Variants in RETREG1 observed in about 807,000 individuals in gnomAD.
RETREG1 encodes the protein reticulophagy regulator 1, also known as family with sequence similarity 134 member B.
A neutral mutation model predicts 54.8 loss-of-function variants in RETREG1; 44 were observed. The ratio of observed to expected loss-of-function variants is 0.80; its 90% CI spans 0.63 to 1.03. The LOEUF is 1.03. Among genes scored for constraint, RETREG1 ranks in the 50% least tolerant of loss-of-function variants. The pLI is 0.00. For missense variants in RETREG1, 554 were observed against 605.1 expected, an observed-to-expected ratio of 0.92 and a Z score of 0.89; for synonymous variants, 217 against 238.5, an observed-to-expected ratio of 0.91 and a Z score of 0.83.
chr5:16,480,467 G>A (rs1312601718), intron 5 of RETREG1, among the ~76,000 whole-genome samples: 1 of 151,972 alleles, frequency 6.6e-6, no homozygotes, highest in Non-Finnish European at 1.5e-5. Context: ...TTTCTTTTGG[G>A]TAAGTACCTA....
intron 1 of RETREG1, among the ~76,000 whole-genome samples, chr5:16,574,816 G>A (rs1330057950): frequency 6.6e-6 from 1 of 152,186 alleles, no homozygotes; most frequent in Non-Finnish European, 1.5e-5. Flanking sequence ...GGTGAATTAG[G>A]AGCATAGAAA....
At chr5:16,512,582 GT>G (rs1398628308) in intron 3 of RETREG1, among the ~76,000 whole-genome samples, 2,292 of 147,256 alleles carry the variant, frequency 0.016, 54 homozygotes, top group African/African-American at 0.053. Context: ...ATCAGTCCGA[GT>G]TTTTTTTTTT....
intron 3 of RETREG1, among the ~76,000 whole-genome samples, chr5:16,493,082 G>T (rs1739315592): frequency 6.6e-6 from 1 of 151,834 alleles, no homozygotes; most frequent in African/African-American, 2.4e-5. Context: ...TTCTATTTGG[G>T]GCTCTCCCTT....
intron 3 of RETREG1, among the ~76,000 whole-genome samples, chr5:16,542,992 G>C (rs1340657668): frequency 1.3e-5 from 2 of 152,102 alleles, no homozygotes; most frequent in Non-Finnish European, 2.9e-5. Flanking sequence ...ATGCTTCCCT[G>C]CACCATTCCT....
At chr5:16,510,048 T>C (rs895287934) in intron 3 of RETREG1, among the ~76,000 whole-genome samples, 3 of 151,946 alleles carry the variant, frequency 2.0e-5, no homozygotes, top group Non-Finnish European at 4.4e-5. Context: ...AAAATCTGTG[T>C]ATTCTGTTGT....
chr5:16,517,585 C>G (rs572915222), intron 3 of RETREG1, among the ~76,000 whole-genome samples: 1 of 152,264 alleles, frequency 6.6e-6, no homozygotes, highest in South Asian at 2.1e-4. Context: ...CAAGTCCCAT[C>G]AACCCTAACA....
rs1174264465 is a variant in RETREG1 at position 16,502,671 on chromosome 5, T to G, written c.459-19199A>C. On this transcript the variant is annotated intron_variant, in intron 3 of 8. Coordinates refer to ENST00000306320, the MANE Select transcript of RETREG1 (RefSeq NM_001034850.3). Reference sequence around the variant, plus strand: ...CGAGGCATTAAGATTACAGTTGATCTGTTCGCCATTATATTTTTCCCCCAT... The same window carrying G: ...CGAGGCATTAAGATTACAGTTGATCGGTTCGCCATTATATTTTTCCCCCAT... 1.2e-4 allele frequency among the ~76,000 whole-genome samples: 16 copies of G among 132,098 alleles called. No homozygotes were observed. The Admixed American group carries it at 1.3e-3, about 11-fold the overall frequency. 86.7% of individuals were successfully genotyped at this position (132,098 alleles called of 152,430 possible).
chr5:16,581,883 T>A (rs1167991843), intron 1 of RETREG1, among the ~76,000 whole-genome samples: 1 of 152,244 alleles, frequency 6.6e-6, no homozygotes, highest in Non-Finnish European at 1.5e-5. Context: ...GTGCAGGATG[T>A]GCAGGTTTGT....
chr5:16,508,571 CAAT>C (rs1272675379), intron 3 of RETREG1: 1 of 1,613,720 alleles, frequency 6.2e-7, no homozygotes, highest in Admixed American at 1.7e-5. Context: ...GTATATATCA[CAAT>C]TACCTTTTGC....
At chr5:16,514,064 G>T (rs1315757535) in intron 3 of RETREG1, among the ~76,000 whole-genome samples, 1 of 152,026 alleles carries the variant, frequency 6.6e-6, no homozygotes, top group African/African-American at 2.4e-5. Flanking sequence ...AATTAAATTT[G>T]GTCAAAACAC....
intron 3 of RETREG1, among the ~76,000 whole-genome samples, chr5:16,532,209 T>C (rs1164843873): frequency 2.0e-5 from 3 of 152,170 alleles, no homozygotes; most frequent in African/African-American, 7.2e-5. Flanking sequence ...GAAGTCTCAT[T>C]GTAACTCAGC....
At chr5:16,518,415 A>G (rs979917809) in intron 3 of RETREG1, among the ~76,000 whole-genome samples, 3 of 151,646 alleles carry the variant, frequency 2.0e-5, no homozygotes, top group Admixed American at 6.6e-5. Flanking sequence ...AAAAAGAGAA[A>G]GAAAAAGTGT....
intron 3 of RETREG1, among the ~76,000 whole-genome samples, chr5:16,508,199 A>T (rs1266267271): frequency 6.6e-6 from 1 of 152,268 alleles, no homozygotes; most frequent in Non-Finnish European, 1.5e-5. Flanking sequence ...CAAATCTTTA[A>T]AATGCAATAG....
intron 3 of RETREG1, among the ~76,000 whole-genome samples, chr5:16,498,593 T>G (rs1170427909): frequency 6.6e-6 from 1 of 152,082 alleles, no homozygotes; most frequent in Admixed American, 6.5e-5. Flanking sequence ...ATGCCTGTAG[T>G]TGCAGCTACT....
In RETREG1 at chr5:16,525,353, G is replaced by T. The variant is rs115102029; in HGVS notation, c.458+40410C>A. On this transcript the variant is annotated intron_variant, in intron 3 of 8. Transcript: ENST00000306320. Reference sequence around the variant, plus strand: ...TGCGCGGGTAACACTGTGCTGATCTGCGTCCTTCGAGATGCTCAAGCCCCT... The same window carrying T: ...TGCGCGGGTAACACTGTGCTGATCTTCGTCCTTCGAGATGCTCAAGCCCCT... 5.8e-3 allele frequency among the ~76,000 whole-genome samples: 888 copies of T among 152,164 alleles called. 7 individuals are homozygous for T. Among genetic ancestry groups the T allele is most frequent in the African/African-American group, 0.02 (826 of 41,516 alleles).
rs1742829736 is a variant in RETREG1 at position 16,593,534 on chromosome 5, A to C, written c.321-21432T>G. On this transcript the variant is annotated intron_variant, in intron 1 of 8. Coordinates refer to ENST00000306320, the MANE Select transcript of RETREG1 (RefSeq NM_001034850.3). This position sits in a 1 kb window ranked among gnomAD's most constrained non-coding sequence, Gnocchi z 4.9. ...TGTAATCATTAATCATAAATTCCTT[A>C]AAGCACATTATCATAATAATGACAG... Among the ~76,000 whole-genome samples, 1 of 152,206 alleles carries C rather than the reference A, an allele frequency of 6.6e-6. No homozygotes were observed. The highest frequency in any genetic ancestry group is 6.5e-5 in the Admixed American group (1 of 15,278).
At chr5:16,602,609 T>G (rs1743080695) in intron 1 of RETREG1, among the ~76,000 whole-genome samples, 1 of 152,172 alleles carries the variant, frequency 6.6e-6, no homozygotes, top group Non-Finnish European at 1.5e-5. Flanking sequence ...CCCAAACTTC[T>G]GATATCATGA....
intron 8 of RETREG1, among the ~76,000 whole-genome samples, chr5:16,476,801 C>T (rs892165233): frequency 6.6e-6 from 1 of 152,010 alleles, no homozygotes; most frequent in Non-Finnish European, 1.5e-5. Flanking sequence ...AATAGCTAAT[C>T]GATGCTGGGC....
chr5:16,604,004 C>T (rs1042933662), intron 1 of RETREG1, among the ~76,000 whole-genome samples: 1 of 152,154 alleles, frequency 6.6e-6, no homozygotes, highest in Non-Finnish European at 1.5e-5. Flanking sequence ...GGGTGGAATC[C>T]TCTACAGGGA....
Sources: allele counts gnomAD v4.1 joint callset (sites outside exome capture counted in the v4.1 genomes callset), GRCh38; gene constraint gnomAD v4.1.1; non-coding constraint Gnocchi (gnomAD v3.1); transcripts MANE v1.5; gene names NCBI Gene and HGNC (gene_info 2026-07-23, HGNC 2026-07-21).